The following SUCLG2 variants were observed in gnomAD, a reference collection of about 807,000 sequenced individuals.
SUCLG2 encodes succinate--CoA ligase [GDP-forming] subunit beta, mitochondrial.
Under a neutral mutation model 47.9 loss-of-function variants are expected in SUCLG2, and 42 were observed. The observed-to-expected ratio is 0.88, with a 90% CI of 0.69 to 1.14. The LOEUF (loss-of-function observed/expected upper bound fraction) is 1.14, where lower values mean the gene tolerates loss of function less well. Ranked by LOEUF, SUCLG2 falls within the 50% of genes most tolerant of loss-of-function variation. The pLI, the probability that SUCLG2 is intolerant of heterozygous loss-of-function variation, is 0.00. For synonymous variants in SUCLG2, 195 were observed against 197.3 expected (o/e 0.99, Z 0.10); for missense variants, 571 against 525.9 (o/e 1.09, Z -0.84).
At chr3:67,614,983 G>C (rs893176570) in intron 1 of SUCLG2, among the ~76,000 whole-genome samples, 1 of 152,114 alleles carries the variant, frequency 6.6e-6, no homozygotes, top group Non-Finnish European at 1.5e-5. Context: ...CTTTGGACTT[G>C]TACAATATCC....
At chr3:67,391,377 C>T (rs1163015177) in intron 10 of SUCLG2, among the ~76,000 whole-genome samples, 1 of 152,012 alleles carries the variant, frequency 6.6e-6, no homozygotes, top group Non-Finnish European at 1.5e-5. Flanking sequence ...CTAAGAAGGA[C>T]ACAATTTGCA....
At chr3:67,653,811 A>G (rs1197159603) in intron 1 of SUCLG2, among the ~76,000 whole-genome samples, 5 of 152,246 alleles carry the variant, frequency 3.3e-5, no homozygotes, top group Admixed American at 3.3e-4. Context: ...CTAGAGGCCA[A>G]GTTCCAATCG....
intron 9 of SUCLG2, among the ~76,000 whole-genome samples, chr3:67,427,947 G>C (rs907701471): frequency 1.3e-5 from 2 of 152,220 alleles, no homozygotes; most frequent in African/African-American, 4.8e-5. Flanking sequence ...GGCTTGAGTA[G>C]GTAAACGAAG....
chr3:67,638,853 T>C (rs1489388802), intron 1 of SUCLG2, among the ~76,000 whole-genome samples: 3 of 152,204 alleles, frequency 2.0e-5, no homozygotes, highest in Non-Finnish European at 2.9e-5. Flanking sequence ...ATTTCCAATT[T>C]TTGCCAATAA....
intron 2 of SUCLG2, among the ~76,000 whole-genome samples, chr3:67,604,257 G>T (rs576766578): frequency 6.6e-6 from 1 of 152,230 alleles, no homozygotes; most frequent in South Asian, 2.1e-4. Context: ...AAAAGCAAAT[G>T]AATCATTAAG....
At chr3:67,424,347 T>C (rs1443962257) in intron 9 of SUCLG2, among the ~76,000 whole-genome samples, 1 of 152,200 alleles carries the variant, frequency 6.6e-6, no homozygotes, top group East Asian at 1.9e-4. Context: ...TCTATTTCCA[T>C]TCACAGAGAT....
chr3:67,395,000 CCTAA>C (rs1702488334), intron 10 of SUCLG2, among the ~76,000 whole-genome samples: 4 of 151,814 alleles, frequency 2.6e-5, no homozygotes, highest in Non-Finnish European at 4.4e-5. Flanking sequence ...CCAGGCCTGC[CCTAA>C]AAGATCTCCT....
At chr3:67,454,960 T>TAAAA (rs1704148726) in intron 9 of SUCLG2, among the ~76,000 whole-genome samples, 2 of 40,164 alleles carry the variant, frequency 5.0e-5, no homozygotes. Context: ...AGACTCCGTC[T>TAAAA]CAAAAAAAAA....
intron 1 of SUCLG2, among the ~76,000 whole-genome samples, chr3:67,626,064 G>A (rs1343839133): frequency 3.3e-5 from 5 of 151,088 alleles, no homozygotes; most frequent in Admixed American, 3.3e-4. Flanking sequence ...CTGTCGCCCA[G>A]GCTGGAGTGC....
At chr3:67,580,054 T>C (rs985568621) in intron 2 of SUCLG2, among the ~76,000 whole-genome samples, 13 of 152,318 alleles carry the variant, frequency 8.5e-5, no homozygotes, top group East Asian at 7.7e-4. Flanking sequence ...GTAGCAAATC[T>C]CAATATATTT....
intron 10 of SUCLG2, among the ~76,000 whole-genome samples, chr3:67,383,864 C>T (rs1470872820): frequency 6.6e-6 from 1 of 152,138 alleles, no homozygotes; most frequent in Non-Finnish European, 1.5e-5. Flanking sequence ...CTGTGCTCAC[C>T]TGCCATCATC....
intron 2 of SUCLG2, among the ~76,000 whole-genome samples, chr3:67,602,450 C>A (rs909842544): frequency 6.6e-6 from 1 of 152,046 alleles, no homozygotes; most frequent in Non-Finnish European, 1.5e-5. Flanking sequence ...AGGTCTCCTG[C>A]AGAGTGGTAT....
intron 9 of SUCLG2, among the ~76,000 whole-genome samples, chr3:67,403,068 T>A (rs1702723396): frequency 6.6e-6 from 1 of 152,190 alleles, no homozygotes; most frequent in Non-Finnish European, 1.5e-5. Context: ...GTCTCTCATG[T>A]GTTAGTATCT....
At position 67,532,162 on chromosome 3, in the gene SUCLG2, G is replaced by A. The variant is rs1304149891; in HGVS notation, c.227-2976C>T. On this transcript the variant is annotated intron_variant, in intron 2 of 10. Transcript: ENST00000307227. Reference sequence around the variant, plus strand: ...ATTTTTGTTTTTTGTTTTAGACAGAGTCTCACTTTGTCACCCAGGCTGGAG... The same window carrying A: ...ATTTTTGTTTTTTGTTTTAGACAGAATCTCACTTTGTCACCCAGGCTGGAG... Among the ~76,000 whole-genome samples, 3 of 152,174 alleles carry A rather than the reference G, an allele frequency of 2.0e-5. No homozygotes were observed. The East Asian group carries it at 5.8e-4, about 29-fold the overall frequency.
chr3:67,378,854 T>G (rs973984768), intron 10 of SUCLG2, among the ~76,000 whole-genome samples: 1 of 152,204 alleles, frequency 6.6e-6, no homozygotes, highest in Admixed American at 6.5e-5. Flanking sequence ...AATCAAAGCA[T>G]GGCTTTCATG....
At chr3:67,391,578 C>T (rs148175470) in intron 10 of SUCLG2, among the ~76,000 whole-genome samples, 175 of 152,212 alleles carry the variant, frequency 1.1e-3, no homozygotes, top group Non-Finnish European at 1.7e-3. Context: ...AGTAATAATG[C>T]CTTTACCTCC....
At chr3:67,653,617 G>A (rs537180003) in intron 1 of SUCLG2, among the ~76,000 whole-genome samples, 13 of 152,294 alleles carry the variant, frequency 8.5e-5, no homozygotes, top group East Asian at 3.9e-4. Context: ...AATAGGCAAG[G>A]TCATTAACTC....
At chr3:67,395,111 C>G (rs375201609) in intron 10 of SUCLG2, among the ~76,000 whole-genome samples, 10,686 of 151,630 alleles carry the variant, frequency 0.07, 384 homozygotes, top group Middle Eastern at 0.14. Context: ...GAAACTGCAT[C>G]AACTAACGAG....
intron 2 of SUCLG2, among the ~76,000 whole-genome samples, chr3:67,578,814 G>A (rs1028072588): frequency 2.0e-5 from 3 of 152,106 alleles, no homozygotes; most frequent in African/African-American, 4.8e-5. Flanking sequence ...AAACATTAGC[G>A]GGAACAGCCT....
Sources: gnomAD v4.1 joint callset for allele counts (sites outside exome capture counted in the v4.1 genomes callset) on GRCh38, gnomAD v4.1.1 for gene constraint, MANE v1.5 for transcripts, NCBI Gene and HGNC (gene_info 2026-07-23, HGNC 2026-07-21) for gene names.